PIK3CG: variants seen among roughly 807,000 people sequenced by gnomAD.
PIK3CG encodes phosphatidylinositol-4,5-bisphosphate 3-kinase catalytic subunit gamma, also known as phosphatidylinositol 4,5-bisphosphate 3-kinase catalytic subunit gamma isoform.
Under a neutral mutation model 102.3 loss-of-function variants are expected in PIK3CG, and 55 were observed. The ratio of observed to expected loss-of-function variants is 0.54; its 90% confidence interval spans 0.43 to 0.67. PIK3CG has a LOEUF of 0.67. Ranked by LOEUF, PIK3CG falls within the 30% of genes least tolerant of loss-of-function variation. The pLI is 0.00. For missense variants in PIK3CG, 1,258 were observed against 1,391.8 expected, an observed-to-expected ratio of 0.90 and a Z score of 1.53; for synonymous variants, 552 against 540.0, an observed-to-expected ratio of 1.02 and a Z score of -0.31.
chr7:106,868,828 T>G lies in PIK3CG; in HGVS notation c.1267T>G (p.Leu423Val). ...TGAGTTCAGTATCAAAATCAAAGAC[T>G]TGCCCAAAGGGGCTCTACTGAACCT... Reference protein sequence around the residue: ...WLEFSIKIKDLPKGALLNLQI... With the variant: ...WLEFSIKIKDVPKGALLNLQI... Residue 423 changes from leucine (L) to valine (V), a missense_variant, in exon 2 of 11, where the codon TTG becomes GTG. Around this residue, in one of 2 missense-constraint regions of PIK3CG, gnomAD observed 832 missense variants for 787.5 expected, o/e 1.06. Transcript: ENST00000496166. The surrounding 1 kb of genome is among the most constrained non-coding windows in gnomAD (Gnocchi z 6.2). 6.2e-7 allele frequency: 1 copy of G among 1,614,214 alleles called. No individual in the cohort carries two copies. The highest frequency in any genetic ancestry group is 8.5e-7 in the Non-Finnish European group (1 of 1,180,032).
rs769937080 is a variant in PIK3CG, at chr7:106,867,663, C to G, written c.102C>G (p.Ser34=). The change falls in exon 2 of 11, where the codon TCC becomes TCG. Residue 34 remains serine (S), a synonymous_variant. Transcript: ENST00000496166. This position sits in a 1 kb window ranked among gnomAD's most constrained non-coding sequence, Gnocchi z 5.1. ...KPRSAAASLS[S]MELIPIEFVL... is the part of the protein sequence containing the mutation. ...GCAGTGCTGCGGCCAGCCTGTCCTC[C>G]ATGGAGCTCATCCCCATCGAGTTCG... 4.3e-6 allele frequency: 7 copies of G among 1,613,420 alleles called. No individual in the cohort carries two copies. Among genetic ancestry groups the G allele is most frequent in the Non-Finnish European group, 5.9e-6 (7 of 1,180,030 alleles).
In PIK3CG at chr7:106,879,979, T is replaced by C. The variant is rs1790884228; in HGVS notation, c.2538+314T>C. On this transcript the variant is annotated intron_variant, in intron 6 of 10. Coordinates refer to ENST00000496166, the MANE Select transcript of PIK3CG (RefSeq NM_001282426.2). This position sits in a 1 kb window ranked among gnomAD's most constrained non-coding sequence, Gnocchi z 4.9. ...ATAACATAGAAAATAGCCATATTTATCCCCAGCACTCACTTCATTCCTGCC... is the reference window on the plus strand; with the variant it reads ...ATAACATAGAAAATAGCCATATTTACCCCCAGCACTCACTTCATTCCTGCC... 6.6e-6 allele frequency among the ~76,000 whole-genome samples: 1 copy of C among 152,196 alleles called. No homozygotes were observed. The highest frequency in any genetic ancestry group is 6.5e-5 in the Admixed American group (1 of 15,288).
rs1382447785 is a variant in PIK3CG at position 106,892,475 on chromosome 7, C to G, written c.3030+6183C>G. Among the ~76,000 whole-genome samples the G allele has an allele frequency of 6.6e-6, 1 of 152,238 alleles. No individual in the cohort carries two copies. The highest frequency in any genetic ancestry group is 1.5e-5 in the Non-Finnish European group (1 of 68,038). Reference sequence around the variant, plus strand: ...GCAAGATATTTTCCCAGTTTGGCCCCTTTCAAATACAGTTGTTCCCTAATT... The same window carrying G: ...GCAAGATATTTTCCCAGTTTGGCCCGTTTCAAATACAGTTGTTCCCTAATT... On this transcript the variant is annotated intron_variant, in intron 10 of 10. Coordinates refer to ENST00000496166, the MANE Select transcript of PIK3CG (RefSeq NM_001282426.2). This position sits in a 1 kb window ranked among gnomAD's most constrained non-coding sequence, Gnocchi z 5.2.
chr7:106,873,378 C>A (rs1046332119), intron 4 of PIK3CG, among the ~76,000 whole-genome samples: 5 of 152,128 alleles, frequency 3.3e-5, no homozygotes, highest in Admixed American at 3.3e-4. Context: ...TATAGAGATA[C>A]ATTCATTCTT....
rs376453517 is a variant in PIK3CG, at chr7:106,905,140, G to C, written c.3062G>C (p.Arg1021Pro). Reference sequence around the variant, plus strand: ...TGTGTTAAGGCTTATCTAGCCCTTCGTCATCACACAAACCTACTGATCATC... The same window carrying C: ...TGTGTTAAGGCTTATCTAGCCCTTCCTCATCACACAAACCTACTGATCATC... ...DICVKAYLALRHHTNLLIILF... is the reference protein window; with the variant it reads ...DICVKAYLALPHHTNLLIILF... Residue 1021 changes from arginine (R) to proline (P), a missense_variant, in exon 11 of 11, where the codon CGT (arginine) becomes CCT (proline). Arg to Pro is a moderately radical substitution (Grantham distance 103). This residue lies in a region of PIK3CG where 426 missense variants were observed against 604.2 expected (regional missense o/e 0.71). Coordinates refer to ENST00000496166, the MANE Select transcript of PIK3CG (RefSeq NM_001282426.2). The surrounding 1 kb of genome is among the most constrained non-coding windows in gnomAD (Gnocchi z 5.6). 3.3e-5 allele frequency: 54 copies of C among 1,613,768 alleles called. No individual in the cohort carries two copies. The highest frequency in any genetic ancestry group is 4.5e-5 in the East Asian group (2 of 44,880).
At chr7:106,888,121 A>T (rs1296992522) in intron 10 of PIK3CG, among the ~76,000 whole-genome samples, 2 of 151,680 alleles carry the variant, frequency 1.3e-5, no homozygotes, top group African/African-American at 4.8e-5. Flanking sequence ...TTGTATTTTT[A>T]GTAGAGACAG....
intron 10 of PIK3CG, among the ~76,000 whole-genome samples, chr7:106,901,856 G>A (rs1374967323): frequency 2.0e-5 from 3 of 152,096 alleles, no homozygotes; most frequent in Admixed American, 2.0e-4. Flanking sequence ...GAAGCTTTGG[G>A]GTATGATCCA....
chr7:106,881,773 C>G (rs1434738358), intron 6 of PIK3CG, among the ~76,000 whole-genome samples: 1 of 152,134 alleles, frequency 6.6e-6, no homozygotes, highest in African/African-American at 2.4e-5. Flanking sequence ...TCACTTGAAC[C>G]TGGGAGGTGG....
rs1791285334 is a variant in PIK3CG, at chr7:106,892,289, G to T, written c.3030+5997G>T. 1.3e-5 allele frequency among the ~76,000 whole-genome samples: 2 copies of T among 152,106 alleles called. No individual in the cohort carries two copies. The highest frequency in any genetic ancestry group is 4.8e-5 in the African/African-American group (2 of 41,416). On this transcript the variant is annotated intron_variant, in intron 10 of 10. Transcript: ENST00000496166. This position sits in a 1 kb window ranked among gnomAD's most constrained non-coding sequence, Gnocchi z 5.2. ...CTTGTCTATACTTATAACCTGCTAGGCTGGATTTTCTCAGCCTCCTGCTCT... is the reference window on the plus strand; with the variant it reads ...CTTGTCTATACTTATAACCTGCTAGTCTGGATTTTCTCAGCCTCCTGCTCT...
chr7:106,900,091 A>G (rs1385249315), intron 10 of PIK3CG, among the ~76,000 whole-genome samples: 2 of 151,948 alleles, frequency 1.3e-5, no homozygotes, highest in Non-Finnish European at 2.9e-5. Context: ...GGGAGGGTGT[A>G]TGTGTCCAGG....
intron 4 of PIK3CG, among the ~76,000 whole-genome samples, chr7:106,873,210 A>G (rs1584323240): frequency 6.6e-6 from 1 of 152,364 alleles, no homozygotes; most frequent in South Asian, 2.1e-4. Flanking sequence ...GAACAGTTGC[A>G]TACACAAAGA....
chr7:106,876,602 C>T (rs979938553), intron 5 of PIK3CG, among the ~76,000 whole-genome samples: 7 of 150,688 alleles, frequency 4.6e-5, no homozygotes, highest in African/African-American at 1.7e-4. Context: ...GGGGTTTCAC[C>T]GTGTTAGCCA....
In PIK3CG at chr7:106,868,007, C is replaced by A. The variant is rs768921216; in HGVS notation, c.446C>A (p.Ala149Asp). Residue 149 changes from alanine (A) to aspartate (D), a missense_variant, in exon 2 of 11, where the codon GCC becomes GAC. Ala to Asp is a moderately radical substitution (Grantham distance 126). Coordinates refer to ENST00000496166, the MANE Select transcript of PIK3CG (RefSeq NM_001282426.2). This position sits in a 1 kb window ranked among gnomAD's most constrained non-coding sequence, Gnocchi z 6.2. ...CACCCGCCCTCCGAGGAGTCCCAAGCCTTCCAGCGGCAGCTCACGGCGCTG... is the reference window on the plus strand; with the variant it reads ...CACCCGCCCTCCGAGGAGTCCCAAGACTTCCAGCGGCAGCTCACGGCGCTG... ...QRHPPSEESQ[A>D]FQRQLTALIG... is the part of the protein sequence containing the mutation. The A allele has an allele frequency of 8.1e-6, 13 of 1,612,144 alleles. No individual in the cohort carries two copies. The South Asian group carries it at 9.9e-5, about 12-fold the overall frequency.
In PIK3CG at chr7:106,884,044, C is replaced by A. The variant is rs780581570; in HGVS notation, c.2761-111C>A. ...TGCTAATGAAATCAGGCACAACTAA[C>A]TTGCTCTCTGAAAATGGTTTCCAGA... On this transcript the variant is annotated intron_variant, in intron 8 of 10. Transcript: ENST00000496166. The surrounding 1 kb of genome is among the most constrained non-coding windows in gnomAD (Gnocchi z 4.2). 8.9e-5 allele frequency: 71 copies of A among 796,594 alleles called. No individual in the cohort carries two copies. The highest frequency in any genetic ancestry group is 1.3e-4 in the Non-Finnish European group (64 of 476,366). 49.3% of individuals were successfully genotyped at this position (796,594 alleles called of 1,614,324 possible). A position where few individuals can be genotyped will look rare whatever the true frequency, so the allele number is the denominator to read the frequency against.
chr7:106,868,501 G>A lies in PIK3CG; in HGVS notation c.940G>A (p.Ala314Thr), dbSNP rs1790403584. 1 of 1,614,142 alleles carries A rather than the reference G, an allele frequency of 6.2e-7. No individual in the cohort carries two copies. Among genetic ancestry groups the A allele is most frequent in the Admixed American group, 1.7e-5 (1 of 60,032 alleles). ...HVVLDTPPDP[A>T]LDEVRKEEWP... ...GGTACTGGACACGCCTCCAGACCCG[G>A]CCCTAGACGAGGTGAGGAAGGAAGA... is the stretch of plus-strand genomic sequence containing the variant. Residue 314 changes from alanine (A) to threonine (T), a missense_variant, in exon 2 of 11, where the codon GCC becomes ACC. Ala to Thr is a moderately conservative substitution (Grantham distance 58). Around this residue, in one of 2 missense-constraint regions of PIK3CG, gnomAD observed 832 missense variants for 787.5 expected, o/e 1.06. Coordinates refer to ENST00000496166, the MANE Select transcript of PIK3CG (RefSeq NM_001282426.2). The surrounding 1 kb of genome is among the most constrained non-coding windows in gnomAD (Gnocchi z 6.2).
At position 106,868,238 on chromosome 7, in the gene PIK3CG, G is replaced by A. The variant is rs1490061702; in HGVS notation, c.677G>A (p.Arg226His). The A allele has an allele frequency of 2.4e-5, 39 of 1,612,914 alleles. No homozygotes were observed. The highest frequency in any genetic ancestry group is 3.2e-5 in the Non-Finnish European group (38 of 1,179,996). The change falls in exon 2 of 11, where the codon CGC becomes CAC. Residue 226 changes from arginine to histidine, a missense_variant. Physicochemically the swap from Arg to His is conservative, Grantham distance 29. This residue lies in a region of PIK3CG where 832 missense variants were observed against 787.5 expected (regional missense o/e 1.06). Transcript: ENST00000496166. This position sits in a 1 kb window ranked among gnomAD's most constrained non-coding sequence, Gnocchi z 6.2. ...ANNCIFIVIH[R>H]STTSQTIKVS... ...AACTGCATCTTCATCGTCATTCACC[G>A]CAGCACCACCAGCCAGACCATTAAG...
chr7:106,887,933 C>CTTTTTTTT (rs71156344), intron 10 of PIK3CG, among the ~76,000 whole-genome samples: 1 of 60,602 alleles, frequency 1.7e-5, no homozygotes, highest in Non-Finnish European at 2.8e-5. Flanking sequence ...GACGACTCTC[C>CTTTTTTTT]TTTTTTTTTT....
rs1018819695 is a variant in PIK3CG at position 106,877,185 on chromosome 7, G to A, written c.2392-2334G>A. 7.9e-5 allele frequency among the ~76,000 whole-genome samples: 12 copies of A among 152,304 alleles called. No homozygotes were observed. The highest frequency in any genetic ancestry group is 1.9e-4 in the African/African-American group (8 of 41,572). The stretch of plus-strand genomic sequence containing the variant: ...TGCATTCCAACCTGGGCTACAGAGC[G>A]AGACCCTGTTTCAAAAGAAATGAAA... On this transcript the variant is annotated intron_variant, in intron 5 of 10. Coordinates refer to ENST00000496166, the MANE Select transcript of PIK3CG (RefSeq NM_001282426.2). The surrounding 1 kb of genome is among the most constrained non-coding windows in gnomAD (Gnocchi z 4.5).
In PIK3CG at chr7:106,868,093, C is replaced by T. The variant is rs1157393554; in HGVS notation, c.532C>T (p.Arg178Cys). ...VHDDELEFTR[R>C]GLVTPRMAEV... ...CGACGATGAGCTGGAGTTCACGCGC[C>T]GTGGCTTGGTGACCCCGCGCATGGC... Residue 178 changes from arginine (R) to cysteine (C), a missense_variant, in exon 2 of 11, where the codon CGT becomes TGT. By Grantham distance (180) the Arg-to-Cys change is radical. This residue lies in a region of PIK3CG where 832 missense variants were observed against 787.5 expected (regional missense o/e 1.06). Coordinates refer to ENST00000496166, the MANE Select transcript of PIK3CG (RefSeq NM_001282426.2). This position sits in a 1 kb window ranked among gnomAD's most constrained non-coding sequence, Gnocchi z 6.2. The T allele has an allele frequency of 4.3e-6, 7 of 1,612,752 alleles. No homozygotes were observed. The highest frequency in any genetic ancestry group is 2.2e-5 in the South Asian group (2 of 91,066).
Sources: allele counts gnomAD v4.1 joint callset (sites outside exome capture counted in the v4.1 genomes callset), GRCh38; gene constraint gnomAD v4.1.1; regional missense constraint gnomAD v4.1.1; non-coding constraint Gnocchi (gnomAD v3.1); transcripts MANE v1.5; gene names NCBI Gene and HGNC (gene_info 2026-07-23, HGNC 2026-07-21).